Variants in DENND1A observed in about 807,000 individuals in gnomAD.
DENND1A encodes DENN domain-containing protein 1A.
Under a neutral mutation model 113.7 loss-of-function variants are expected in DENND1A, and 51 were observed. That is an observed-to-expected ratio of 0.45 (90% confidence interval 0.36 to 0.57). DENND1A has a LOEUF of 0.57. Among genes scored for constraint, DENND1A ranks in the 20% least tolerant of loss-of-function variants. The pLI is 0.00. For missense variants in DENND1A, 1,258 were observed against 1,395.9 expected, an observed-to-expected ratio of 0.90 and a Z score of 1.57; for synonymous variants, 565 against 570.8, an observed-to-expected ratio of 0.99 and a Z score of 0.14.
chr9:123,716,252 AAATT>A (rs1460248415), intron 5 of DENND1A, among the ~76,000 whole-genome samples: 5 of 152,234 alleles, frequency 3.3e-5, no homozygotes, highest in African/African-American at 7.2e-5. Context: ...CTCCTGGGTC[AAATT>A]AGATCTGATC....
intron 1 of DENND1A, among the ~76,000 whole-genome samples, chr9:123,895,279 T>G (rs1042971308): frequency 6.6e-6 from 1 of 151,974 alleles, no homozygotes; most frequent in African/African-American, 2.4e-5. Context: ...TAAATAATGG[T>G]TTTTTTCCAT....
At chr9:123,715,140 C>T (rs933128510) in intron 5 of DENND1A, among the ~76,000 whole-genome samples, 8 of 151,778 alleles carry the variant, frequency 5.3e-5, no homozygotes, top group Middle Eastern at 3.4e-3. Flanking sequence ...GCCAAGATCG[C>T]GCCACTGCAC....
chr9:123,530,336 G>T lies in DENND1A; in HGVS notation c.993+27234C>A, dbSNP rs143695078. On this transcript the variant is annotated intron_variant, in intron 13 of 23. Coordinates refer to ENST00000394215, the MANE Select transcript of DENND1A (RefSeq NM_001352964.2). ...GAGAAAAGATGGATTTTTCATAAAA[G>T]AATGATGACTGGATTGATAACAGAC... Among the ~76,000 whole-genome samples, 138 of 152,248 alleles carry T rather than the reference G, an allele frequency of 9.1e-4. 1 individual carries two copies. Among genetic ancestry groups the T allele is most frequent in the African/African-American group, 3.2e-3 (131 of 41,568 alleles).
At chr9:123,763,579 TACAA>T (rs1283992779) in intron 4 of DENND1A, among the ~76,000 whole-genome samples, 4 of 152,086 alleles carry the variant, frequency 2.6e-5, no homozygotes, top group African/African-American at 4.8e-5. Flanking sequence ...GGAAGTCATC[TACAA>T]ACAGATGGTA....
intron 5 of DENND1A, among the ~76,000 whole-genome samples, chr9:123,708,688 T>C (rs2066388380): frequency 6.6e-6 from 1 of 152,194 alleles, no homozygotes. Flanking sequence ...TTCTAGTTTC[T>C]TATAGCACCT....
chr9:123,438,540 G>A (rs894773507), intron 19 of DENND1A, among the ~76,000 whole-genome samples: 1 of 152,126 alleles, frequency 6.6e-6, no homozygotes, highest in African/African-American at 2.4e-5. Flanking sequence ...GGAAGGGAGA[G>A]CCCGCTGCAT....
chr9:123,415,749 G>A (rs762708018), intron 19 of DENND1A, among the ~76,000 whole-genome samples: 2 of 152,228 alleles, frequency 1.3e-5, no homozygotes, highest in African/African-American at 4.8e-5. Context: ...CCTGCTGCAG[G>A]GATGCGGGGC....
intron 13 of DENND1A, among the ~76,000 whole-genome samples, chr9:123,510,310 A>G (rs989438747): frequency 6.6e-5 from 10 of 152,362 alleles, no homozygotes; most frequent in Admixed American, 1.3e-4. Flanking sequence ...TTACATCTTT[A>G]TACATGTTAT....
chr9:123,552,012 C>CGA (rs1255642013), intron 13 of DENND1A, among the ~76,000 whole-genome samples: 4 of 68,668 alleles, frequency 5.8e-5, no homozygotes, highest in African/African-American at 3.3e-4. Context: ...CGAGAGAGAG[C>CGA]GAGAGCGAGA....
At chr9:123,571,182 T>C (rs1186268389) in intron 12 of DENND1A, among the ~76,000 whole-genome samples, 7 of 152,194 alleles carry the variant, frequency 4.6e-5, no homozygotes, top group Admixed American at 1.3e-4. Context: ...GCCTCCAAAG[T>C]AACCCTTTGC....
intron 21 of DENND1A, chr9:123,401,829 C>T (rs1355381259): frequency 1.9e-6 from 3 of 1,614,100 alleles, no homozygotes; most frequent in East Asian, 4.5e-5. Context: ...TGAAGAGGTC[C>T]AGCCTCTCGT....
At chr9:123,601,512 C>T (rs16926684) in intron 11 of DENND1A, among the ~76,000 whole-genome samples, 13 of 152,116 alleles carry the variant, frequency 8.5e-5, no homozygotes, top group Non-Finnish European at 1.5e-4. Flanking sequence ...CTGGATGGTA[C>T]GAGACTCATA....
At chr9:123,848,416 G>A (rs1231589503) in intron 2 of DENND1A, among the ~76,000 whole-genome samples, 1 of 152,008 alleles carries the variant, frequency 6.6e-6, no homozygotes, top group Non-Finnish European at 1.5e-5. Flanking sequence ...TGTTGTAATT[G>A]TTTTGGGGTG....
chr9:123,778,523 A>ATTCC (rs1396679413), intron 3 of DENND1A, among the ~76,000 whole-genome samples: 2 of 152,200 alleles, frequency 1.3e-5, no homozygotes, highest in African/African-American at 2.4e-5. Flanking sequence ...GAAATTTTGG[A>ATTCC]TTCCTTTCAT....
At chr9:123,519,591 A>C (rs750466569) in intron 13 of DENND1A, among the ~76,000 whole-genome samples, 1 of 152,022 alleles carries the variant, frequency 6.6e-6, no homozygotes, top group Non-Finnish European at 1.5e-5. Flanking sequence ...GCTAATTTTT[A>C]TATTTTTAGT....
intron 9 of DENND1A, among the ~76,000 whole-genome samples, chr9:123,640,321 G>A (rs766878954): frequency 2.6e-5 from 4 of 152,216 alleles, no homozygotes; most frequent in Non-Finnish European, 5.9e-5. Flanking sequence ...GAGCCCTGAA[G>A]GTTGAAGACA....
chr9:123,710,864 G>C (rs1487662488), intron 5 of DENND1A, among the ~76,000 whole-genome samples: 2 of 151,728 alleles, frequency 1.3e-5, no homozygotes, highest in Admixed American at 6.6e-5. Flanking sequence ...GTAGAGACAG[G>C]GTTTCACCAT....
intron 5 of DENND1A, among the ~76,000 whole-genome samples, chr9:123,730,906 C>G (rs1307529281): frequency 6.6e-6 from 1 of 152,112 alleles, no homozygotes; most frequent in Non-Finnish European, 1.5e-5. Flanking sequence ...CACATAAACA[C>G]CATGGAATAC....
At chr9:123,408,478 T>C (rs559475340) in intron 20 of DENND1A, among the ~76,000 whole-genome samples, 39 of 152,324 alleles carry the variant, frequency 2.6e-4, no homozygotes, top group African/African-American at 8.7e-4. Context: ...CAGGTGGTAT[T>C]GTTAAACCCA....
Sources: gnomAD v4.1 joint callset for allele counts (sites outside exome capture counted in the v4.1 genomes callset) on GRCh38, gnomAD v4.1.1 for gene constraint, MANE v1.5 for transcripts, NCBI Gene and HGNC (gene_info 2026-07-23, HGNC 2026-07-21) for gene names.